The following CAMTA1 variants were observed in gnomAD, a reference collection of about 807,000 sequenced individuals.
CAMTA1 encodes the protein calmodulin binding transcription activator 1.
Under a neutral mutation model 170.9 loss-of-function variants are expected in CAMTA1, and 27 were observed. That is an observed-to-expected ratio of 0.16 (90% confidence interval 0.12 to 0.22). The LOEUF (loss-of-function observed/expected upper bound fraction) is 0.22, where lower values mean the gene tolerates loss of function less well. CAMTA1 is among the 10% of genes least tolerant of loss of function. The pLI is 1.00. For synonymous variants in CAMTA1, 833 were observed against 891.5 expected (o/e 0.93, Z 1.17); for missense variants, 1,619 against 2,217.2 (o/e 0.73, Z 5.42).
intron 4 of CAMTA1, among the ~76,000 whole-genome samples, chr1:7,148,434 G>GA (rs1558168531): frequency 6.8e-6 from 1 of 147,492 alleles, no homozygotes; most frequent in South Asian, 2.1e-4. Context: ...CTCCCCCCCC[G>GA]CCACGCTCCC....
At chr1:7,198,860 G>A (rs1426627641) in intron 4 of CAMTA1, among the ~76,000 whole-genome samples, 1 of 152,138 alleles carries the variant, frequency 6.6e-6, no homozygotes, top group Non-Finnish European at 1.5e-5. Context: ...GCCCTCTGCA[G>A]GCAGGGAGCC....
intron 5 of CAMTA1, among the ~76,000 whole-genome samples, chr1:7,353,945 T>G (rs1275402932): frequency 6.6e-6 from 1 of 152,004 alleles, no homozygotes; most frequent in African/African-American, 2.4e-5. Context: ...CTGTCTGTTG[T>G]TCTCCTCTTT....
At chr1:7,275,146 C>CAAAAAAAAAA (rs1340599304) in intron 5 of CAMTA1, among the ~76,000 whole-genome samples, 2 of 83,572 alleles carry the variant, frequency 2.4e-5, no homozygotes, top group African/African-American at 5.4e-5. Context: ...GATTCCATCT[C>CAAAAAAAAAA]AAAAAAAAAA....
intron 6 of CAMTA1, among the ~76,000 whole-genome samples, chr1:7,636,414 C>T (rs2095712508): frequency 6.6e-6 from 1 of 152,152 alleles, no homozygotes; most frequent in Non-Finnish European, 1.5e-5. Context: ...TAGCAACAAC[C>T]TGTGTTTAGA....
In CAMTA1 at chr1:7,184,903, G is replaced by A. The variant is rs567227875; in HGVS notation, c.303-64588G>A. ...CTTTTGGGCTCTGTATTTTGGCCATGTACCACCAGTCTAATAAGAGGAAAC... is the reference window on the plus strand; with the variant it reads ...CTTTTGGGCTCTGTATTTTGGCCATATACCACCAGTCTAATAAGAGGAAAC... On this transcript the variant is annotated intron_variant, in intron 4 of 22. Coordinates refer to ENST00000303635, the MANE Select transcript of CAMTA1 (RefSeq NM_015215.4). Among the ~76,000 whole-genome samples the A allele has an allele frequency of 1.2e-4, 18 of 152,316 alleles. No homozygotes were observed. In the South Asian group the frequency reaches 3.7e-3, roughly 32 times the overall value.
At chr1:7,046,909 C>T (rs1273583025) in intron 3 of CAMTA1, among the ~76,000 whole-genome samples, 1 of 152,188 alleles carries the variant, frequency 6.6e-6, no homozygotes, top group African/African-American at 2.4e-5. Context: ...CCGGAGTAGA[C>T]ATGGGAGATA....
intron 5 of CAMTA1, among the ~76,000 whole-genome samples, chr1:7,324,315 T>G (rs1410247936): frequency 6.6e-6 from 1 of 152,242 alleles, no homozygotes; most frequent in Admixed American, 6.5e-5. Context: ...GATCTCTCTC[T>G]TTCCATTGTT....
At chr1:7,244,752 G>T (rs1665479199) in intron 4 of CAMTA1, among the ~76,000 whole-genome samples, 1 of 151,082 alleles carries the variant, frequency 6.6e-6, no homozygotes. Flanking sequence ...GGGGTTGGGG[G>T]AGGCGGGGAG....
chr1:7,177,593 G>A (rs1016967553), intron 4 of CAMTA1, among the ~76,000 whole-genome samples: 1 of 133,664 alleles, frequency 7.5e-6, no homozygotes, highest in Non-Finnish European at 1.6e-5. Flanking sequence ...TCCCCATACC[G>A]AGGCCCCTCC....
intron 1 of CAMTA1, among the ~76,000 whole-genome samples, chr1:6,786,861 C>G (rs987754883): frequency 6.6e-6 from 1 of 152,190 alleles, no homozygotes; most frequent in South Asian, 2.1e-4. Flanking sequence ...AGGGGCCACA[C>G]TAGTTGCTCC....
In CAMTA1 at chr1:7,698,656, T is replaced by G. The variant is rs181714745; in HGVS notation, c.2914+20923T>G. 2.6e-5 allele frequency: 4 copies of G among 152,300 alleles called. No individual in the cohort carries two copies. The East Asian group carries it at 7.7e-4, about 29-fold the overall frequency. The allele number at this position is 152,300 out of a possible 1,614,324, so 9.4% of individuals were successfully genotyped here. On this transcript the variant is annotated intron_variant, in intron 11 of 22. Transcript: ENST00000303635. ...TGCAAAGCTCCCCCTTTCCCCTGAG[T>G]CAGCCAACCATTGTGATCTGCAAGG...
chr1:7,243,491 T>TC, intron 4 of CAMTA1, among the ~76,000 whole-genome samples: 1 of 152,324 alleles, frequency 6.6e-6, no homozygotes, highest in East Asian at 1.9e-4. Context: ...GGGAATCATT[T>TC]CCCCATTGAT....
At chr1:7,150,071 G>A (rs1175139396) in intron 4 of CAMTA1, among the ~76,000 whole-genome samples, 2 of 152,178 alleles carry the variant, frequency 1.3e-5, no homozygotes, top group Non-Finnish European at 1.5e-5. Flanking sequence ...CTGTTCGGTC[G>A]CCCAGCGGCC....
At chr1:7,600,970 C>G (rs1020767152) in intron 6 of CAMTA1, among the ~76,000 whole-genome samples, 1 of 152,016 alleles carries the variant, frequency 6.6e-6, no homozygotes, top group African/African-American at 2.4e-5. Flanking sequence ...CCATTGTCAT[C>G]ATGGCCCGTT....
rs150084525 is a variant in CAMTA1, at chr1:7,286,051, C to T, written c.438+36425C>T. ...CCCACCACCGGGCCAATGGAGCCTG[C>T]TGTGTGCCAAGCACCATGCCAGATT... On this transcript the variant is annotated intron_variant, in intron 5 of 22. Coordinates refer to ENST00000303635, the MANE Select transcript of CAMTA1 (RefSeq NM_015215.4). The surrounding 1 kb of genome is among the most constrained non-coding windows in gnomAD (Gnocchi z 4.2). 4.6e-5 allele frequency among the ~76,000 whole-genome samples: 7 copies of T among 152,354 alleles called. No homozygotes were observed. The East Asian group carries it at 1.3e-3, about 29-fold the overall frequency.
At chr1:7,336,284 C>T (rs896353300) in intron 5 of CAMTA1, among the ~76,000 whole-genome samples, 6 of 152,204 alleles carry the variant, frequency 3.9e-5, no homozygotes, top group South Asian at 2.1e-4. Flanking sequence ...TGTTCATCAG[C>T]GCCCAGAGGC....
intron 4 of CAMTA1, among the ~76,000 whole-genome samples, chr1:7,101,934 G>A (rs533663783): frequency 2.0e-3 from 298 of 151,906 alleles, no homozygotes; most frequent in Non-Finnish European, 3.8e-3. Flanking sequence ...CAACACACAT[G>A]CACAAGCAAA....
In CAMTA1 at chr1:7,146,107, T is replaced by C. The variant is rs1646167998; in HGVS notation, c.302+54736T>C. On this transcript the variant is annotated intron_variant, in intron 4 of 22. Coordinates refer to ENST00000303635, the MANE Select transcript of CAMTA1 (RefSeq NM_015215.4). This position sits in a 1 kb window ranked among gnomAD's most constrained non-coding sequence, Gnocchi z 4.3. ...GGATCTTTTTTTTAAAATGGGATGA[T>C]TGTAAAGGCCGGGCCGAGGATCTCC... 6.6e-6 allele frequency among the ~76,000 whole-genome samples: 1 copy of C among 152,168 alleles called. No individual in the cohort carries two copies. Among genetic ancestry groups the C allele is most frequent in the Non-Finnish European group, 1.5e-5 (1 of 68,036 alleles).
intron 3 of CAMTA1, among the ~76,000 whole-genome samples, chr1:6,893,552 G>A (rs903573494): frequency 6.6e-6 from 1 of 152,206 alleles, no homozygotes; most frequent in South Asian, 2.1e-4. Flanking sequence ...CATCCCTGTT[G>A]ATTAGGTTTG....
Sources: gnomAD v4.1 joint callset for allele counts (sites outside exome capture counted in the v4.1 genomes callset) on GRCh38, gnomAD v4.1.1 for gene constraint, Gnocchi (gnomAD v3.1) non-coding constraint, MANE v1.5 for transcripts, NCBI Gene and HGNC (gene_info 2026-07-23, HGNC 2026-07-21) for gene names.